KIRREL3: variants seen among roughly 807,000 people sequenced by gnomAD.
KIRREL3 encodes kirre like nephrin family adhesion molecule 3, also known as kin of IRRE-like protein 3.
In KIRREL3, 36 loss-of-function variants were observed where a neutral mutation model predicts 89.7. The observed-to-expected ratio is 0.40, with a 90% CI of 0.31 to 0.53. KIRREL3 has a LOEUF of 0.53. KIRREL3 is among the 20% of genes least tolerant of loss of function. The pLI is 0.49. For synonymous variants in KIRREL3, 445 were observed against 441.4 expected (o/e 1.01, Z -0.10); for missense variants, 864 against 1,056.6 (o/e 0.82, Z 2.53).
At position 126,755,170 on chromosome 11, in the gene KIRREL3, A is replaced by G. The variant is rs1304388457; in HGVS notation, c.56-192258T>C. Among the ~76,000 whole-genome samples the G allele has an allele frequency of 6.6e-6, 1 of 152,252 alleles. No homozygotes were observed. Among genetic ancestry groups the G allele is most frequent in the Non-Finnish European group, 1.5e-5 (1 of 68,048 alleles). On this transcript the variant is annotated intron_variant, in intron 1 of 16. Coordinates refer to ENST00000525144, the MANE Select transcript of KIRREL3 (RefSeq NM_032531.4). This position sits in a 1 kb window ranked among gnomAD's most constrained non-coding sequence, Gnocchi z 4.3. Reference sequence around the variant, plus strand: ...TGACAAGAAAATTAGTAGTAAGTCAATAAGTCTGTGGCCCAAAGGTAGGGC... The same window carrying G: ...TGACAAGAAAATTAGTAGTAAGTCAGTAAGTCTGTGGCCCAAAGGTAGGGC...
In KIRREL3 at chr11:126,782,064, G is replaced by A. The variant is rs1950341641; in HGVS notation, c.55+218391C>T. Among the ~76,000 whole-genome samples, 1 of 149,284 alleles carries A rather than the reference G, an allele frequency of 6.7e-6. No homozygotes were observed. On this transcript the variant is annotated intron_variant, in intron 1 of 16. Coordinates refer to ENST00000525144, the MANE Select transcript of KIRREL3 (RefSeq NM_032531.4). This position sits in a 1 kb window ranked among gnomAD's most constrained non-coding sequence, Gnocchi z 4.1. The stretch of plus-strand genomic sequence containing the variant: ...ACACTAGGATTAAAGCAGAGACAAT[G>A]CGATGTGCTCAGCATATAATTTCCT...
At chr11:126,450,940 G>A (rs904629405) in intron 7 of KIRREL3, among the ~76,000 whole-genome samples, 1 of 123,234 alleles carries the variant, frequency 8.1e-6, no homozygotes, top group East Asian at 2.7e-4. Context: ...CATGTGTGTG[G>A]GCGTGTGTGC....
Position 126,608,992 on chromosome 11 carries a change from G to T in KIRREL3, c.56-46080C>A, listed in dbSNP as rs1943008809. Among the ~76,000 whole-genome samples the T allele has an allele frequency of 6.6e-6, 1 of 152,166 alleles. No individual in the cohort carries two copies. The highest frequency in any genetic ancestry group is 1.5e-5 in the Non-Finnish European group (1 of 68,020). Reference sequence around the variant, plus strand: ...GGTAGCAGAAACAATCAGGCCAGAGGGGTATTTGTTGCAGAAGAGAAATGT... The same window carrying T: ...GGTAGCAGAAACAATCAGGCCAGAGTGGTATTTGTTGCAGAAGAGAAATGT... On this transcript the variant is annotated intron_variant, in intron 1 of 16. Coordinates refer to ENST00000525144, the MANE Select transcript of KIRREL3 (RefSeq NM_032531.4). The surrounding 1 kb of genome is among the most constrained non-coding windows in gnomAD (Gnocchi z 4.9).
chr11:126,565,844 G>A lies in KIRREL3; in HGVS notation c.56-2932C>T, dbSNP rs1430018111. Among the ~76,000 whole-genome samples, 1 of 152,066 alleles carries A rather than the reference G, an allele frequency of 6.6e-6. No individual in the cohort carries two copies. The highest frequency in any genetic ancestry group is 1.5e-5 in the Non-Finnish European group (1 of 68,008). ...CAGAGAGAACCAGGAGGAAGCAGGA[G>A]GCAATTGCTTTGGCTTGGGGAGACT... On this transcript the variant is annotated intron_variant, in intron 1 of 16. Coordinates refer to ENST00000525144, the MANE Select transcript of KIRREL3 (RefSeq NM_032531.4). This position sits in a 1 kb window ranked among gnomAD's most constrained non-coding sequence, Gnocchi z 5.4.
chr11:126,762,572 G>A (rs1412579941), intron 1 of KIRREL3, among the ~76,000 whole-genome samples: 1 of 152,212 alleles, frequency 6.6e-6, no homozygotes, highest in African/African-American at 2.4e-5. Context: ...TTTCCCATCT[G>A]TTTCTCACCT....
chr11:126,888,954 T>C (rs532161358), intron 1 of KIRREL3, among the ~76,000 whole-genome samples: 9 of 152,244 alleles, frequency 5.9e-5, no homozygotes, highest in East Asian at 1.9e-4. Flanking sequence ...TTTTACAGAG[T>C]AATCCACAGT....
rs537229434 is a variant in KIRREL3, at chr11:126,553,060, G to A, written c.133+9775C>T. On this transcript the variant is annotated intron_variant, in intron 2 of 16. Coordinates refer to ENST00000525144, the MANE Select transcript of KIRREL3 (RefSeq NM_032531.4). This position sits in a 1 kb window ranked among gnomAD's most constrained non-coding sequence, Gnocchi z 4.7. The stretch of plus-strand genomic sequence containing the variant: ...ACTCATGGTGTGTGTGAGCACACTC[G>A]TGAAGGCGTGCAAGCCAGCCCTTCA... 6.6e-5 allele frequency among the ~76,000 whole-genome samples: 10 copies of A among 152,296 alleles called. No individual in the cohort carries two copies. The East Asian group carries it at 9.7e-4, about 15-fold the overall frequency.
Position 126,645,614 on chromosome 11 carries a change from G to C in KIRREL3, c.56-82702C>G, listed in dbSNP as rs146667074. Among the ~76,000 whole-genome samples, 80 of 152,304 alleles carry C rather than the reference G, an allele frequency of 5.3e-4. No homozygotes were observed. Among genetic ancestry groups the C allele is most frequent in the African/African-American group, 1.9e-3 (78 of 41,556 alleles). The stretch of plus-strand genomic sequence containing the variant: ...CTAAATGGAAGCATCATGGCACGAG[G>C]TGAAATTCTAGGTTTCTGAAGAAGA... On this transcript the variant is annotated intron_variant, in intron 1 of 16. Transcript: ENST00000525144. The surrounding 1 kb of genome is among the most constrained non-coding windows in gnomAD (Gnocchi z 4.9).
chr11:126,633,991 C>T (rs891551547), intron 1 of KIRREL3, among the ~76,000 whole-genome samples: 2 of 152,198 alleles, frequency 1.3e-5, no homozygotes, highest in Admixed American at 6.5e-5. Flanking sequence ...GAAAGTACAG[C>T]GTAGTCCACA....
intron 1 of KIRREL3, among the ~76,000 whole-genome samples, chr11:126,859,643 TA>T (rs1305281199): frequency 6.6e-6 from 1 of 152,112 alleles, no homozygotes; most frequent in African/African-American, 2.4e-5. Flanking sequence ...AAAACATACA[TA>T]AATTGAATTG....
chr11:126,762,932 C>T (rs1206273610), intron 1 of KIRREL3, among the ~76,000 whole-genome samples: 1 of 152,134 alleles, frequency 6.6e-6, no homozygotes, highest in African/African-American at 2.4e-5. Context: ...CGATTGACCC[C>T]AAATTTCTCC....
At chr11:126,868,770 G>A (rs139987157) in intron 1 of KIRREL3, among the ~76,000 whole-genome samples, 2 of 152,146 alleles carry the variant, frequency 1.3e-5, no homozygotes, top group African/African-American at 4.8e-5. Context: ...ACCATACACT[G>A]AGTGGCTGAC....
At chr11:126,654,575 G>A (rs1438928526) in intron 1 of KIRREL3, among the ~76,000 whole-genome samples, 1 of 152,086 alleles carries the variant, frequency 6.6e-6, no homozygotes, top group Non-Finnish European at 1.5e-5. Flanking sequence ...TTTTGCTTCA[G>A]ATAGATGTCC....
At chr11:126,957,314 C>T (rs922681339) in intron 1 of KIRREL3, among the ~76,000 whole-genome samples, 11 of 152,288 alleles carry the variant, frequency 7.2e-5, no homozygotes, top group Admixed American at 2.0e-4. Flanking sequence ...AGGAACATTG[C>T]TAATTGATGA....
chr11:126,918,400 C>T lies in KIRREL3; in HGVS notation c.55+82055G>A, dbSNP rs1947126608. ...GAATATTTACGACAGTGCTTTAGAC[C>T]ATCCAGGTAGTTTTAGCGTAAGGAG... On this transcript the variant is annotated intron_variant, in intron 1 of 16. Coordinates refer to ENST00000525144, the MANE Select transcript of KIRREL3 (RefSeq NM_032531.4). The surrounding 1 kb of genome is among the most constrained non-coding windows in gnomAD (Gnocchi z 6.5). Among the ~76,000 whole-genome samples, 1 of 152,168 alleles carries T rather than the reference C, an allele frequency of 6.6e-6. No individual in the cohort carries two copies. Among genetic ancestry groups the T allele is most frequent in the African/African-American group, 2.4e-5 (1 of 41,432 alleles).
chr11:126,461,955 T>C (rs565938549), intron 6 of KIRREL3, among the ~76,000 whole-genome samples: 1 of 152,204 alleles, frequency 6.6e-6, no homozygotes, highest in Admixed American at 6.5e-5. Context: ...GCAGTAGCGT[T>C]ATGTTTGGCG....
At chr11:126,936,499 G>A (rs770607252) in intron 1 of KIRREL3, 2 of 148,616 alleles carry the variant, frequency 1.3e-5, no homozygotes, top group Non-Finnish European at 3.0e-5. Flanking sequence ...AATGTCCATC[G>A]ACTGGTAAAA....
chr11:126,997,640 C>T lies in KIRREL3; in HGVS notation c.55+2815G>A, dbSNP rs910062704. ...GGTTATAAGAAAAAGTAAAGGTAAA[C>T]AAACATTTGACAAATTAGGAAGAAA... is the stretch of plus-strand genomic sequence containing the variant. On this transcript the variant is annotated intron_variant, in intron 1 of 16. Coordinates refer to ENST00000525144, the MANE Select transcript of KIRREL3 (RefSeq NM_032531.4). This position sits in a 1 kb window ranked among gnomAD's most constrained non-coding sequence, Gnocchi z 4.3. Among the ~76,000 whole-genome samples, 1 of 152,122 alleles carries T rather than the reference C, an allele frequency of 6.6e-6. No homozygotes were observed. The highest frequency in any genetic ancestry group is 6.5e-5 in the Admixed American group (1 of 15,276).
intron 1 of KIRREL3, among the ~76,000 whole-genome samples, chr11:126,751,387 G>T (rs1324793280): frequency 6.6e-6 from 1 of 152,204 alleles, no homozygotes; most frequent in Non-Finnish European, 1.5e-5. Context: ...TGGCTAAGGA[G>T]AACAGCTGGG....
Sources: allele counts gnomAD v4.1 joint callset (sites outside exome capture counted in the v4.1 genomes callset), GRCh38; gene constraint gnomAD v4.1.1; non-coding constraint Gnocchi (gnomAD v3.1); transcripts MANE v1.5; gene names NCBI Gene and HGNC (gene_info 2026-07-23, HGNC 2026-07-21).